Variants in CPZ observed in about 807,000 individuals in gnomAD.
CPZ encodes the protein VEZT/CPZ fusion.
A neutral mutation model predicts 61.8 loss-of-function variants in CPZ; 103 were observed. The observed-to-expected ratio is 1.67, with a 90% CI of 1.42 to 1.96. The LOEUF (loss-of-function observed/expected upper bound fraction) is 1.96. CPZ is among the 30% of genes most tolerant of loss of function. CPZ has a pLI of 0.00. For synonymous variants in CPZ, 551 were observed against 373.7 expected, an observed-to-expected ratio of 1.47 and a Z score of -5.47; for missense variants, 1,461 against 914.9, an observed-to-expected ratio of 1.60 and a Z score of -7.70.
At chr4:8,607,242 G>A (rs745695442) in intron 6 of CPZ, 25 bp from the exon 7 acceptor site, 18 of 1,610,652 alleles carry the variant, frequency 1.1e-5, no homozygotes, top group Non-Finnish European at 1.4e-5. Flanking sequence ...CCAGCCCTGA[G>A]GGCGGCCTCG....
In CPZ at chr4:8,605,626, C is replaced by T. The variant is rs1282642146; in HGVS notation, c.710-363C>T. ...TCCATCCATCCATCCATCCATCCAT[C>T]ATTGATATATCCATTCATCCACTCA... On this transcript the variant is annotated intron_variant, in intron 4 of 10. Coordinates refer to ENST00000360986, the MANE Select transcript of CPZ (RefSeq NM_001014447.3). Among the ~76,000 whole-genome samples, 4 of 111,110 alleles carry T rather than the reference C, an allele frequency of 3.6e-5. No homozygotes were observed. In the East Asian group the frequency reaches 1.0e-3, roughly 29 times the overall value. The allele number at this position is 111,110 out of a possible 152,430, so 72.9% of individuals were successfully genotyped here. A position where few individuals can be genotyped will look rare whatever the true frequency, so the allele number is the denominator to read the frequency against.
chr4:8,619,140 G>T (rs534272497), intron 10 of CPZ, 122 bp from the exon 11 acceptor site: 23 of 780,442 alleles, frequency 2.9e-5, no homozygotes, highest in Admixed American at 5.8e-5. Context: ...CCACACAGAG[G>T]CAAGTGCACA....
intron 5 of CPZ, among the ~76,000 whole-genome samples, 199 bp from the exon 6 acceptor site, chr4:8,606,538 G>A (rs41266533): frequency 6.6e-6 from 1 of 152,156 alleles, no homozygotes; most frequent in Non-Finnish European, 1.5e-5. Context: ...GCCAGGGAAG[G>A]CCCCAAGGCT....
At chr4:8,600,830 G>A (rs1284394271) in intron 2 of CPZ, 7 of 813,104 alleles carry the variant, frequency 8.6e-6, no homozygotes, top group East Asian at 8.3e-5. Context: ...CTGCCTTCAC[G>A]GGCCCTTGTG....
chr4:8,599,642 G>T lies in CPZ; in HGVS notation c.121+157G>T. ...TAGAACCCCCTCGTAAACAGCCAGA[G>T]AAAAATTAGACATAACAAAAAAAGA... On this transcript the variant is annotated intron_variant, in intron 2 of 10. Transcript: ENST00000360986. 4 of 1,452,610 alleles carry T rather than the reference G, an allele frequency of 2.8e-6. No homozygotes were observed. In the South Asian group the frequency reaches 5.6e-5, roughly 20 times the overall value. 90.0% of individuals were successfully genotyped at this position (1,452,610 alleles called of 1,614,324 possible).
At chr4:8,605,568 TATCCATCCAGCC>T (rs1014948632) in intron 4 of CPZ, among the ~76,000 whole-genome samples, 2 of 126,838 alleles carry the variant, frequency 1.6e-5, no homozygotes, top group Non-Finnish European at 3.2e-5. Context: ...TTGATATATC[TATCCATCCAGCC>T]ATCCAGCCAG....
intron 9 of CPZ, among the ~76,000 whole-genome samples, chr4:8,616,526 G>A (rs1040859778): frequency 6.6e-6 from 1 of 152,212 alleles, no homozygotes; most frequent in Non-Finnish European, 1.5e-5. Context: ...GGGCCCTGGG[G>A]TAGGCCCCCA....
chr4:8,615,434 C>T (rs1016467360), intron 9 of CPZ, among the ~76,000 whole-genome samples: 7 of 152,176 alleles, frequency 4.6e-5, no homozygotes, highest in African/African-American at 1.7e-4. Context: ...CAAGCGTTTT[C>T]AAGAATCACA....
At position 8,619,501 on chromosome 4, in the gene CPZ, G is replaced by A. The variant is rs775874480; in HGVS notation, c.1843G>A (p.Glu615Lys). 11 of 1,605,342 alleles carry A rather than the reference G, an allele frequency of 6.9e-6. No individual in the cohort carries two copies. In the Middle Eastern group the frequency reaches 5.0e-4, roughly 73 times the overall value. The change falls in exon 11 of 11, where the codon GAG (glutamate) becomes AAG (lysine). Residue 615 changes from glutamate (E) to lysine (K), a missense_variant. Coordinates refer to ENST00000360986, the MANE Select transcript of CPZ (RefSeq NM_001014447.3). ...TGCCAGCTCTTTGGGGGAGGCCACGGAGCCCGACCCGCTCCGGGCGCGCAG... is the reference window on the plus strand; with the variant it reads ...TGCCAGCTCTTTGGGGGAGGCCACGAAGCCCGACCCGCTCCGGGCGCGCAG... ...GGASSLGEAT[E>K]PDPLRARRQP...
intron 10 of CPZ, 115 bp from the exon 11 acceptor site, chr4:8,619,147 C>A (rs995940967): frequency 4.6e-6 from 4 of 863,818 alleles, no homozygotes; most frequent in African/African-American, 3.4e-5. Flanking sequence ...GAGGCAAGTG[C>A]ACATTTGGCG....
chr4:8,601,227 A>C lies in CPZ; in HGVS notation c.226A>C (p.Ser76Arg), dbSNP rs1206608363. 1.9e-6 allele frequency: 3 copies of C among 1,613,196 alleles called. No homozygotes were observed. Among genetic ancestry groups the C allele is most frequent in the Admixed American group, 3.3e-5 (2 of 59,988 alleles). Residue 76 changes from serine to arginine, a missense_variant, in exon 3 of 11, where the codon AGC (serine) becomes CGC (arginine). Physicochemically the swap from Ser to Arg is moderately radical, Grantham distance 110. Transcript: ENST00000360986. ...QHRSWEVVEA[S>R]SEYILLSVLH... is the part of the protein sequence containing the mutation. ...CCGGTCGTGGGAGGTGGTGGAGGCC[A>C]GCTCCGAGTACATCCTGCTGAGCGT...
At position 8,617,751 on chromosome 4, in the gene CPZ, G is replaced by A. The variant is rs150276014; in HGVS notation, c.1504-678G>A. On this transcript the variant is annotated intron_variant, in intron 9 of 10. Coordinates refer to ENST00000360986, the MANE Select transcript of CPZ (RefSeq NM_001014447.3). ...GCTCAGCGTGACCTTCAGCATCCTT[G>A]GACCCCACGTTGTTTTCTGCTGACT... Among the ~76,000 whole-genome samples, 435 of 152,258 alleles carry A rather than the reference G, an allele frequency of 2.9e-3. 12 individuals are homozygous for A. The East Asian group carries it at 0.051, about 18-fold the overall frequency.
Position 8,606,842 on chromosome 4 carries a change from A to G in CPZ, c.1012A>G (p.Thr338Ala). 1 of 1,613,496 alleles carries G rather than the reference A, an allele frequency of 6.2e-7. No homozygotes were observed. Among genetic ancestry groups the G allele is most frequent in the Non-Finnish European group, 8.5e-7 (1 of 1,179,910 alleles). Reference sequence around the variant, plus strand: ...GTCCGAGTACTACCGGCTGGCGGAGACCCGCGGCGCACGCAGCGACCACAT... The same window carrying G: ...GTCCGAGTACTACCGGCTGGCGGAGGCCCGCGGCGCACGCAGCGACCACAT... ...LTSEYYRLAE[T>A]RGARSDHIPI... Residue 338 changes from threonine (T) to alanine (A), a missense_variant, in exon 6 of 11, where the codon ACC (threonine) becomes GCC (alanine). Thr to Ala is a moderately conservative substitution (Grantham distance 58). Transcript: ENST00000360986.
At position 8,601,370 on chromosome 4, in the gene CPZ, G is replaced by A. The variant is rs759534840; in HGVS notation, c.369G>A (p.Glu123=). ...WVRRPCRHIC[E]GLREVCQPAF... is the part of the protein sequence containing the mutation. ...GCAGACCCTGCCGGCACATCTGCGAGGGCCTGCGGGAGGTCTGCCAGCCCG... is the reference window on the plus strand; with the variant it reads ...GCAGACCCTGCCGGCACATCTGCGAAGGCCTGCGGGAGGTCTGCCAGCCCG... The change falls in exon 3 of 11, where the codon GAG becomes GAA. Residue 123 remains glutamate (E), a synonymous_variant. Transcript: ENST00000360986. The A allele has an allele frequency of 6.2e-7, 1 of 1,601,260 alleles. No individual in the cohort carries two copies. The highest frequency in any genetic ancestry group is 8.5e-7 in the Non-Finnish European group (1 of 1,171,894).
Position 8,607,384 on chromosome 4 carries a change from C to A in CPZ, c.1186C>A (p.Pro396Thr), listed in dbSNP as rs755978958. ...CTACCCCTTCGACTTCTCCAAGCAC[C>A]CCCAGGAGGAGAAGATGTTTTCTCC... is the stretch of plus-strand genomic sequence containing the variant. ...VSYPFDFSKH[P>T]QEEKMFSPTP... The change falls in exon 7 of 11, where the codon CCC (proline) becomes ACC (threonine). Residue 396 changes from proline to threonine, a missense_variant. Pro to Thr is a conservative substitution (Grantham distance 38). Transcript: ENST00000360986. The A allele has an allele frequency of 3.1e-6, 5 of 1,613,970 alleles. No individual in the cohort carries two copies. The South Asian group carries it at 5.5e-5, about 18-fold the overall frequency.
chr4:8,608,206 C>T (rs1715214877), intron 7 of CPZ, among the ~76,000 whole-genome samples: 1 of 150,282 alleles, frequency 6.7e-6, no homozygotes, highest in Non-Finnish European at 1.5e-5. Flanking sequence ...CTAGTGGTCC[C>T]CACTCCACCG....
chr4:8,608,435 C>A (rs1715240908), intron 7 of CPZ, among the ~76,000 whole-genome samples: 1 of 152,220 alleles, frequency 6.6e-6, no homozygotes, highest in Non-Finnish European at 1.5e-5. Flanking sequence ...CTTTCTGAGG[C>A]CACCCGGCCG....
intron 1 of CPZ, among the ~76,000 whole-genome samples, chr4:8,598,493 C>T (rs1026209190): frequency 6.6e-6 from 1 of 152,248 alleles, no homozygotes; most frequent in African/African-American, 2.4e-5. Flanking sequence ...CTGCTCCAGC[C>T]TGCTTGCCCC....
At chr4:8,618,657 C>G (rs1577132526) in intron 10 of CPZ, 129 bp downstream of exon 10, 1 of 862,746 alleles carries the variant, frequency 1.2e-6, no homozygotes, top group East Asian at 2.7e-5. Flanking sequence ...CCTCCCCAGG[C>G]TGGCTGGGTC....
Sources: gnomAD v4.1 joint callset for allele counts (sites outside exome capture counted in the v4.1 genomes callset) on GRCh38, gnomAD v4.1.1 for gene constraint, MANE v1.5 for transcripts, NCBI Gene and HGNC (gene_info 2026-07-23, HGNC 2026-07-21) for gene names.